The following TANK variants were observed in gnomAD, a reference collection of about 807,000 sequenced individuals.
TANK encodes the protein TRAF family member associated NFKB activator.
TANK carries 15 observed loss-of-function variants against 43.6 expected under a neutral mutation model. The observed-to-expected ratio is 0.34, with a 90% CI of 0.23 to 0.53. TANK has a LOEUF of 0.53. TANK is among the 20% of genes least tolerant of loss of function. The pLI, the probability that TANK is intolerant of heterozygous loss-of-function variation, is 0.94. For missense variants in TANK, 417 were observed against 498.6 expected (o/e 0.84, Z 1.56); for synonymous variants, 162 against 178.2 (o/e 0.91, Z 0.73).
chr2:161,224,845 G>A, intron 6 of TANK, 99 bp downstream of exon 6: 2 of 687,964 alleles, frequency 2.9e-6, no homozygotes, highest in Non-Finnish European at 4.7e-6. Flanking sequence ...TAAGTGTGTA[G>A]CATCTGTAAT....
Position 161,162,628 on chromosome 2 carries a change from A to G in TANK, c.-50+2142A>G, listed in dbSNP as rs183425854. 22 of 152,162 alleles carry G rather than the reference A, an allele frequency of 1.4e-4. No individual in the cohort carries two copies. The East Asian group carries it at 3.7e-3, about 25-fold the overall frequency. The allele number at this position is 152,162 out of a possible 1,614,324, so 9.4% of individuals were successfully genotyped here. ...AGTTTGGGGATGTTTTTATTATGTC[A>G]TCATTAAATATGAAGTTACTATTAA... On this transcript the variant is annotated intron_variant, in intron 1 of 7. Coordinates refer to ENST00000392749, the MANE Select transcript of TANK (RefSeq NM_001199135.3).
intron 2 of TANK, among the ~76,000 whole-genome samples, chr2:161,186,362 T>C (rs2105310431): frequency 6.6e-6 from 1 of 152,358 alleles, no homozygotes; most frequent in Non-Finnish European, 1.5e-5. Flanking sequence ...TTGCATTTAC[T>C]ATCCCATTTG....
In TANK at chr2:161,235,902, G is replaced by A. The variant is rs1005194751; in HGVS notation, c.*384G>A. 1 of 153,544 alleles carries A rather than the reference G, an allele frequency of 6.5e-6. No homozygotes were observed. Among genetic ancestry groups the A allele is most frequent in the African/African-American group, 2.4e-5 (1 of 41,462 alleles). The allele number at this position is 153,544 out of a possible 1,614,324, so 9.5% of individuals were successfully genotyped here. On this transcript the variant is annotated 3_prime_UTR_variant, in exon 8 of 8. Transcript: ENST00000392749. ...AGTGAGAGCTGTTGAATTTGGTGAT[G>A]TCAAATGTTTCTAGGGTTTTTTTAG...
intron 6 of TANK, among the ~76,000 whole-genome samples, chr2:161,226,734 A>G (rs139972706): frequency 0.014 from 2,083 of 152,236 alleles, 31 homozygotes; most frequent in Non-Finnish European, 0.023. Flanking sequence ...AGACTTAAGA[A>G]ATGATAAAGA....
At chr2:161,185,754 C>G (rs925194073) in intron 2 of TANK, among the ~76,000 whole-genome samples, 1 of 150,576 alleles carries the variant, frequency 6.6e-6, no homozygotes, top group Non-Finnish European at 1.5e-5. Context: ...GGAGATATAC[C>G]TAATGCCAGA....
chr2:161,219,950 C>T (rs959023799), intron 4 of TANK: 3 of 262,324 alleles, frequency 1.1e-5, no homozygotes, highest in Non-Finnish European at 2.3e-5. Flanking sequence ...AGTTTATATT[C>T]CCTCTACCAA....
chr2:161,159,136 A>C (rs1478689494), upstream of TANK: 1 of 152,232 alleles, frequency 6.6e-6, no homozygotes, highest in East Asian at 1.9e-4. Context: ...CAATTTGGCA[A>C]TTGCTTACAA....
chr2:161,148,733 T>C lies in TANK; in HGVS notation c.-50+11670T>C, dbSNP rs187783879. On this transcript the variant is annotated intron_variant, in intron 1 of 7. Coordinates refer to the TANK transcript ENST00000259075. ...AGGGGTCCACCTTCTTTCTTTTGCA[T>C]GTGGTTATCACTTGTCCCAGCATCA... Among the ~76,000 whole-genome samples the C allele has an allele frequency of 1.3e-3, 192 of 152,312 alleles. 1 individual carries two copies. Among genetic ancestry groups the C allele is most frequent in the African/African-American group, 4.5e-3 (189 of 41,578 alleles).
intron 4 of TANK, chr2:161,223,146 C>T (rs866451150): frequency 2.0e-5 from 3 of 152,020 alleles, no homozygotes; most frequent in Non-Finnish European, 4.4e-5. Flanking sequence ...TGAATTATAA[C>T]TTATGATTCT....
chr2:161,205,535 C>T (rs1470958117), intron 4 of TANK, among the ~76,000 whole-genome samples: 1 of 152,046 alleles, frequency 6.6e-6, no homozygotes, highest in Non-Finnish European at 1.5e-5. Flanking sequence ...TTAAGCAAGA[C>T]TCTATTGAAG....
chr2:161,202,393 G>T (rs1461790036), intron 2 of TANK, among the ~76,000 whole-genome samples: 7 of 151,734 alleles, frequency 4.6e-5, no homozygotes, highest in South Asian at 2.1e-4. Context: ...GTTTCACTGT[G>T]TTAACCAGGA....
intron 4 of TANK, among the ~76,000 whole-genome samples, chr2:161,210,019 T>G (rs1686809321): frequency 6.6e-6 from 1 of 152,238 alleles, no homozygotes; most frequent in Admixed American, 6.5e-5. Context: ...TTCATCTGAG[T>G]TAATCAAAAA....
rs148460566 is a variant in TANK at position 161,151,873 on chromosome 2, T to C, written c.-50+14810T>C. On this transcript the variant is annotated intron_variant, in intron 1 of 7. Coordinates refer to the TANK transcript ENST00000259075. The stretch of plus-strand genomic sequence containing the variant: ...ATTTCTCACTTCTTCCAATACTGTC[T>C]TATTTTGTATTTTAGCTTATTCTTA... 5.2e-3 allele frequency among the ~76,000 whole-genome samples: 785 copies of C among 152,306 alleles called. 7 individuals carry two copies. Among genetic ancestry groups the C allele is most frequent in the African/African-American group, 0.017 (726 of 41,602 alleles).
intron 4 of TANK, among the ~76,000 whole-genome samples, chr2:161,213,764 G>A (rs185984669): frequency 1.9e-3 from 292 of 151,654 alleles, no homozygotes; most frequent in Non-Finnish European, 2.5e-3. Flanking sequence ...TTGAAAAGGG[G>A]AAGAGTATTT....
At chr2:161,228,111 A>G (rs1687722670) in intron 6 of TANK, among the ~76,000 whole-genome samples, 1 of 152,248 alleles carries the variant, frequency 6.6e-6, no homozygotes, top group African/African-American at 2.4e-5. Flanking sequence ...TAAGACCTCA[A>G]AAAACCTACT....
intron 1 of TANK, chr2:161,163,334 AT>A (rs1202364362): frequency 6.6e-6 from 1 of 152,200 alleles, no homozygotes; most frequent in Non-Finnish European, 1.5e-5. Context: ...AGTAAATACA[AT>A]TGAATGAAAG....
intron 1 of TANK, among the ~76,000 whole-genome samples, chr2:161,164,160 A>G (rs149253245): frequency 6.6e-6 from 1 of 152,358 alleles, no homozygotes; most frequent in Non-Finnish European, 1.5e-5. Flanking sequence ...TTTTAAAACC[A>G]TACCTTTGTC....
chr2:161,190,734 A>G (rs908022567), intron 2 of TANK, among the ~76,000 whole-genome samples: 1 of 152,140 alleles, frequency 6.6e-6, no homozygotes, highest in African/African-American at 2.4e-5. Context: ...TTTATGTGAG[A>G]CACTAAGAAT....
intron 2 of TANK, among the ~76,000 whole-genome samples, chr2:161,184,028 G>T (rs1279865322): frequency 6.6e-6 from 1 of 152,010 alleles, no homozygotes; most frequent in African/African-American, 2.4e-5. Flanking sequence ...AATGTGAGTC[G>T]ATACTTGAGC....
Sources: allele counts gnomAD v4.1 joint callset (sites outside exome capture counted in the v4.1 genomes callset), GRCh38; gene constraint gnomAD v4.1.1; transcripts MANE v1.5; gene names NCBI Gene and HGNC (gene_info 2026-07-23, HGNC 2026-07-21).